SUPT16H: variants seen among roughly 807,000 people sequenced by gnomAD.
SUPT16H encodes the protein SPT16 homolog, facilitates chromatin remodeling subunit, also known as FACT complex subunit SPT16.
Under a neutral mutation model 136.2 loss-of-function variants are expected in SUPT16H, and 24 were observed. The observed-to-expected ratio is 0.18, with a 90% CI of 0.13 to 0.25. SUPT16H has a LOEUF of 0.25. Ranked by LOEUF, SUPT16H falls within the 10% of genes least tolerant of loss-of-function variation. The pLI is 1.00. For missense variants in SUPT16H, 623 were observed against 1,270.2 expected, an observed-to-expected ratio of 0.49 and a Z score of 7.74; for synonymous variants, 415 against 428.2, an observed-to-expected ratio of 0.97 and a Z score of 0.38.
intron 22 of SUPT16H, among the ~76,000 whole-genome samples, chr14:21,355,302 G>A (rs938338291): frequency 1.3e-5 from 2 of 151,950 alleles, no homozygotes; most frequent in Non-Finnish European, 2.9e-5. Context: ...AGACCATCTT[G>A]GCTAACACGG....
chr14:21,382,812 C>T (rs971808728), intron 1 of SUPT16H, among the ~76,000 whole-genome samples: 3 of 151,992 alleles, frequency 2.0e-5, no homozygotes, highest in Admixed American at 6.6e-5. Context: ...ATTTTATTTT[C>T]AATTATCTAA....
chr14:21,352,756 T>C lies in SUPT16H; in HGVS notation c.3061A>G (p.Lys1021Glu), dbSNP rs1304382530. Residue 1021 changes from lysine to glutamate, a missense_variant, in exon 26 of 26, where the codon AAG (lysine) becomes GAG (glutamate). By Grantham distance (56) the Lys-to-Glu change is moderately conservative (BLOSUM62 1). Coordinates refer to ENST00000216297, the MANE Select transcript of SUPT16H (RefSeq NM_007192.4). ...CGGCCCGAACTGTGCACAGATGCCT[T>C]CCTCTTCCGGCTCATACTTCGACTT... The part of the protein sequence containing the change: ...EQSRSMSRKR[K>E]ASVHSSGRGS... 2 of 1,614,070 alleles carry C rather than the reference T, an allele frequency of 1.2e-6. No individual in the cohort carries two copies. The highest frequency in any genetic ancestry group is 3.3e-5 in the Admixed American group (2 of 60,004).
intron 19 of SUPT16H, 56 bp from the exon 20 acceptor site, chr14:21,358,483 C>T (rs1261036034): frequency 3.2e-6 from 4 of 1,261,060 alleles, no homozygotes; most frequent in African/African-American, 1.5e-5. Flanking sequence ...AGTACCTCCC[C>T]TCAAAAAGTC....
Position 21,365,664 on chromosome 14 carries a change from CA to C in SUPT16H, c.1047-522del, listed in dbSNP as rs1264888318. Among the ~76,000 whole-genome samples, 4 of 152,218 alleles carry C rather than the reference CA, an allele frequency of 2.6e-5. No individual in the cohort carries two copies. The East Asian group carries it at 7.7e-4, about 29-fold the overall frequency. On this transcript the variant is annotated intron_variant, in intron 8 of 25. Transcript: ENST00000216297. ...TTGTTTCCCAAAATGTCCTTTGTTC[CA>C]TTACACGTTATTAGGTATTTCTAGG...
At chr14:21,383,470 GGGAC>G (rs1431563409) in intron 1 of SUPT16H, 2 of 561,724 alleles carry the variant, frequency 3.6e-6, no homozygotes, top group Non-Finnish European at 6.3e-6. Context: ...TAATCCTGGC[GGGAC>G]CAGGGGTGGA....
chr14:21,365,863 G>C (rs1476021258), intron 8 of SUPT16H, among the ~76,000 whole-genome samples: 1 of 152,172 alleles, frequency 6.6e-6, no homozygotes, highest in African/African-American at 2.4e-5. Flanking sequence ...AGCACTTTGG[G>C]AGATCAAGGT....
chr14:21,359,699 A>T, intron 18 of SUPT16H, 90 bp from the exon 19 acceptor site: 1 of 1,472,676 alleles, frequency 6.8e-7, no homozygotes. Context: ...GGGCCTCCAC[A>T]GCATGCATGC....
intron 18 of SUPT16H, among the ~76,000 whole-genome samples, 168 bp from the exon 19 acceptor site, chr14:21,359,777 T>C (rs186657725): frequency 5.9e-5 from 9 of 152,294 alleles, no homozygotes; most frequent in Non-Finnish European, 1.0e-4. Flanking sequence ...CAGTGTACAT[T>C]TGAAAAAGTG....
At chr14:21,366,362 G>A in intron 8 of SUPT16H, 77 bp downstream of exon 8, 1 of 1,354,292 alleles carries the variant, frequency 7.4e-7, no homozygotes, top group Non-Finnish European at 1.0e-6. Context: ...CAATCAATTA[G>A]CCTAAAGAAA....
At chr14:21,378,407 A>G (rs2139419287) in intron 1 of SUPT16H, among the ~76,000 whole-genome samples, 1 of 152,360 alleles carries the variant, frequency 6.6e-6, no homozygotes, top group Middle Eastern at 3.4e-3. Flanking sequence ...CAGTGAAAAC[A>G]TCTATATGAA....
rs1886529937 is a variant in SUPT16H, at chr14:21,360,550, A to G, written c.2057-17T>C. 3 of 1,596,064 alleles carry G rather than the reference A, an allele frequency of 1.9e-6. No homozygotes were observed. In the South Asian group the frequency reaches 3.3e-5, roughly 18 times the overall value. On this transcript the variant is annotated splice_polypyrimidine_tract_variant and intron_variant, in intron 17 of 25. Coordinates refer to ENST00000216297, the MANE Select transcript of SUPT16H (RefSeq NM_007192.4). Reference sequence around the variant, plus strand: ...AGCGGAAGCCTGGGGAAAAGAATGAAGAAATGTCAAGCAGTATAATTAAGT... The same window carrying G: ...AGCGGAAGCCTGGGGAAAAGAATGAGGAAATGTCAAGCAGTATAATTAAGT...
chr14:21,358,675 AC>A (rs1389275095), intron 19 of SUPT16H, among the ~76,000 whole-genome samples: 1 of 152,160 alleles, frequency 6.6e-6, no homozygotes, highest in Non-Finnish European at 1.5e-5. Context: ...ATGTACATAC[AC>A]CTTTAATATT....
chr14:21,366,667 T>TTTTG, intron 7 of SUPT16H, 138 bp from the exon 8 acceptor site: 1 of 751,690 alleles, frequency 1.3e-6, no homozygotes, highest in Admixed American at 2.6e-5. Flanking sequence ...TTTTTTTTTT[T>TTTTG]GAGACAAGGT....
intron 3 of SUPT16H, among the ~76,000 whole-genome samples, chr14:21,371,473 T>G (rs1594307240): frequency 6.6e-6 from 1 of 152,144 alleles, no homozygotes; most frequent in East Asian, 1.9e-4. Flanking sequence ...AAGTGAACAA[T>G]ATTCTGAGAA....
Position 21,363,027 on chromosome 14 carries a change from C to T in SUPT16H, c.1511+7G>A, listed in dbSNP as rs1422966126. Reference sequence around the variant, plus strand: ...AGATGATCTCACTGCTCAGTGAAAACTCTTACTTCTGAATCTGCTGTTCTC... The same window carrying T: ...AGATGATCTCACTGCTCAGTGAAAATTCTTACTTCTGAATCTGCTGTTCTC... On this transcript the variant is annotated splice_region_variant and intron_variant, in intron 13 of 25. Transcript: ENST00000216297. The T allele has an allele frequency of 6.2e-7, 1 of 1,614,018 alleles. No individual in the cohort carries two copies. The highest frequency in any genetic ancestry group is 8.5e-7 in the Non-Finnish European group (1 of 1,180,028).
chr14:21,359,676 G>A lies in SUPT16H; in HGVS notation c.2176-67C>T, dbSNP rs997194494. 94 of 1,569,700 alleles carry A rather than the reference G, an allele frequency of 6.0e-5. No individual in the cohort carries two copies. In the Middle Eastern group the frequency reaches 6.8e-4, roughly 11 times the overall value. On this transcript the variant is annotated intron_variant, in intron 18 of 25. Coordinates refer to ENST00000216297, the MANE Select transcript of SUPT16H (RefSeq NM_007192.4). The stretch of plus-strand genomic sequence containing the variant: ...AAAGGTATCTGTGATGGAAATGGCA[G>A]TGATCCAAACTTGGGCCTCCACAGC...
rs749091588 is a variant in SUPT16H at position 21,363,406 on chromosome 14, C to T, written c.1299+32G>A. 1.9e-6 allele frequency: 3 copies of T among 1,610,890 alleles called. No individual in the cohort carries two copies. In the Admixed American group the frequency reaches 5.0e-5, roughly 27 times the overall value. ...TTATTTAACTTCTTTATATCCTAAACTTCCTATACTACTTATCTATCTTCT... is the reference window on the plus strand; with the variant it reads ...TTATTTAACTTCTTTATATCCTAAATTTCCTATACTACTTATCTATCTTCT... On this transcript the variant is annotated intron_variant, in intron 11 of 25. Transcript: ENST00000216297.
At chr14:21,366,604 T>G in intron 7 of SUPT16H, 75 bp from the exon 8 acceptor site, 1 of 1,389,430 alleles carries the variant, frequency 7.2e-7, no homozygotes, top group East Asian at 2.3e-5. Context: ...AAATCAAAAT[T>G]TATGTCCCCT....
intron 18 of SUPT16H, among the ~76,000 whole-genome samples, chr14:21,360,181 C>G (rs913342823): frequency 2.0e-5 from 3 of 152,188 alleles, no homozygotes; most frequent in African/African-American, 7.2e-5. Flanking sequence ...GCGCTGGCCA[C>G]TACGCCTGGC....
Sources: gnomAD v4.1 joint callset for allele counts (sites outside exome capture counted in the v4.1 genomes callset) on GRCh38, gnomAD v4.1.1 for gene constraint, MANE v1.5 for transcripts, NCBI Gene and HGNC (gene_info 2026-07-23, HGNC 2026-07-21) for gene names.